The following NRXN3 variants were observed in gnomAD, a reference collection of about 807,000 sequenced individuals.
NRXN3 encodes neurexin 3.
Under a neutral mutation model 137.6 loss-of-function variants are expected in NRXN3, and 32 were observed. The ratio of observed to expected loss-of-function variants is 0.23; its 90% confidence interval spans 0.18 to 0.31. The LOEUF is 0.31. Ranked by LOEUF, NRXN3 falls within the 10% of genes least tolerant of loss-of-function variation. The pLI is 1.00. For synonymous variants in NRXN3, 798 were observed against 784.5 expected (o/e 1.02, Z -0.29); for missense variants, 1,574 against 2,062.5 (o/e 0.76, Z 4.59).
intron 16 of NRXN3, among the ~76,000 whole-genome samples, chr14:79,505,215 CAA>C (rs111560292): frequency 2.4e-4 from 22 of 93,120 alleles, no homozygotes; most frequent in East Asian, 2.1e-3. Flanking sequence ...AACTCCATCT[CAA>C]AAAAAAAAAA....
intron 15 of NRXN3, among the ~76,000 whole-genome samples, chr14:79,003,576 A>C (rs1300490105): frequency 6.6e-6 from 1 of 152,156 alleles, no homozygotes; most frequent in Non-Finnish European, 1.5e-5. Context: ...ACCCGTAGCC[A>C]AACTCTCATC....
At chr14:78,539,597 G>A (rs2096569340) in intron 4 of NRXN3, among the ~76,000 whole-genome samples, 1 of 152,012 alleles carries the variant, frequency 6.6e-6, no homozygotes, top group African/African-American at 2.4e-5. Flanking sequence ...GGTTTTTTGT[G>A]TCTCTTTCTC....
intron 16 of NRXN3, among the ~76,000 whole-genome samples, chr14:79,566,461 A>G (rs1414171631): frequency 6.6e-6 from 1 of 152,010 alleles, no homozygotes. Context: ...TTTACTCTAG[A>G]ATTTCTACTG....
chr14:78,649,701 C>T (rs1216745608), intron 5 of NRXN3, among the ~76,000 whole-genome samples: 1 of 151,720 alleles, frequency 6.6e-6, no homozygotes, highest in African/African-American at 2.4e-5. Flanking sequence ...CTTCCTCTCC[C>T]TCTCACTCTT....
chr14:78,239,834 A>T (rs1172657964), intron 1 of NRXN3, among the ~76,000 whole-genome samples: 1 of 152,056 alleles, frequency 6.6e-6, no homozygotes, highest in African/African-American at 2.4e-5. Context: ...CAGCCTCTCG[A>T]GTAGCTGGGA....
intron 17 of NRXN3, among the ~76,000 whole-genome samples, chr14:79,669,939 T>C (rs2098597377): frequency 6.6e-6 from 1 of 152,102 alleles, no homozygotes; most frequent in African/African-American, 2.4e-5. Flanking sequence ...CACTGATATG[T>C]AGAAGCTAAA....
intron 4 of NRXN3, among the ~76,000 whole-genome samples, chr14:78,534,562 C>T (rs7359111): frequency 1.3e-5 from 2 of 152,190 alleles, no homozygotes; most frequent in African/African-American, 2.4e-5. Flanking sequence ...TACTATCATC[C>T]TCATTTCTTT....
chr14:78,366,904 T>C (rs1010833611), intron 4 of NRXN3, among the ~76,000 whole-genome samples: 1 of 152,184 alleles, frequency 6.6e-6, no homozygotes, highest in Admixed American at 6.5e-5. Context: ...TTAATCTGCA[T>C]AGGCTCAAGA....
At chr14:79,636,183 G>A (rs1314493475) in intron 16 of NRXN3, among the ~76,000 whole-genome samples, 1 of 152,018 alleles carries the variant, frequency 6.6e-6, no homozygotes, top group Non-Finnish European at 1.5e-5. Context: ...TCCAACTAAG[G>A]CCACATTTGC....
At chr14:79,355,853 G>A (rs533933016) in intron 15 of NRXN3, among the ~76,000 whole-genome samples, 4 of 151,994 alleles carry the variant, frequency 2.6e-5, no homozygotes, top group South Asian at 2.1e-4. Flanking sequence ...AAACTTTCAC[G>A]GCAGCTAAAA....
intron 1 of NRXN3, among the ~76,000 whole-genome samples, chr14:78,240,171 G>C (rs1394708446): frequency 6.6e-6 from 1 of 152,166 alleles, no homozygotes; most frequent in Non-Finnish European, 1.5e-5. Context: ...GTATGAGTTG[G>C]CACCAGCATA....
intron 20 of NRXN3, among the ~76,000 whole-genome samples, chr14:79,809,328 A>G (rs2018234): frequency 0.1 from 15,943 of 152,156 alleles, 1,140 homozygotes; most frequent in African/African-American, 0.19. Flanking sequence ...TGGTAGAGAC[A>G]GGGTTTCGCC....
At chr14:79,019,079 A>C (rs768647207) in intron 15 of NRXN3, among the ~76,000 whole-genome samples, 1 of 152,130 alleles carries the variant, frequency 6.6e-6, no homozygotes, top group Non-Finnish European at 1.5e-5. Context: ...ATTCCCATTC[A>C]TTCAGTACAG....
chr14:78,535,388 A>T (rs937038915), intron 4 of NRXN3, among the ~76,000 whole-genome samples: 1 of 152,212 alleles, frequency 6.6e-6, no homozygotes, highest in Non-Finnish European at 1.5e-5. Context: ...TATTCTTAGG[A>T]TTATGCAGTA....
intron 19 of NRXN3, among the ~76,000 whole-genome samples, chr14:79,793,169 A>C (rs963283782): frequency 6.6e-6 from 1 of 151,988 alleles, no homozygotes; most frequent in Non-Finnish European, 1.5e-5. Context: ...CGGTGGCTCA[A>C]GCCTGTAATC....
chr14:79,628,590 C>A (rs777709048), intron 16 of NRXN3, among the ~76,000 whole-genome samples: 8 of 152,142 alleles, frequency 5.3e-5, no homozygotes, highest in Non-Finnish European at 8.8e-5. Flanking sequence ...GAATTATGTT[C>A]TATGGCACTT....
chr14:78,229,307 G>A (rs1023769466), intron 1 of NRXN3, among the ~76,000 whole-genome samples: 1 of 151,542 alleles, frequency 6.6e-6, no homozygotes, highest in African/African-American at 2.4e-5. Context: ...GAGTCTTGTG[G>A]CTTAAGAAAG....
intron 16 of NRXN3, among the ~76,000 whole-genome samples, chr14:79,654,773 A>G (rs2098497201): frequency 6.6e-6 from 1 of 152,160 alleles, no homozygotes; most frequent in Non-Finnish European, 1.5e-5. Context: ...TTAGACAGGG[A>G]ATTTATCTGA....
chr14:78,280,315 A>G lies in NRXN3; in HGVS notation c.727+1653A>G, dbSNP rs138617972. ...ACACACGTATATGCATGTTTTGTAT[A>G]TGCATGTTATGTATATATTACATAT... is the stretch of plus-strand genomic sequence containing the variant. On this transcript the variant is annotated intron_variant, in intron 3 of 20. Transcript: ENST00000335750. Among the ~76,000 whole-genome samples the G allele has an allele frequency of 1.7e-3, 260 of 152,328 alleles. 2 individuals are homozygous for G. Among genetic ancestry groups the G allele is most frequent in the African/African-American group, 6.2e-3 (257 of 41,584 alleles).
Sources: gnomAD v4.1 joint callset for allele counts (sites outside exome capture counted in the v4.1 genomes callset) on GRCh38, gnomAD v4.1.1 for gene constraint, MANE v1.5 for transcripts, NCBI Gene and HGNC (gene_info 2026-07-23, HGNC 2026-07-21) for gene names.